Variants in ANKRD30BL observed in about 807,000 individuals in gnomAD.
The protein encoded by ANKRD30BL is putative ankyrin repeat domain-containing protein 30B-like.
In ANKRD30BL, 20 loss-of-function variants were observed where a neutral mutation model predicts 18.4. The observed-to-expected ratio is 1.09, with a 90% CI of 0.77 to 1.58. The LOEUF is 1.58. Ranked by LOEUF, ANKRD30BL falls within the 40% of genes most tolerant of loss-of-function variation. The pLI, the probability that ANKRD30BL is intolerant of heterozygous loss-of-function variation, is 0.00. For synonymous variants in ANKRD30BL, 72 were observed against 100.9 expected, an observed-to-expected ratio of 0.71 and a Z score of 1.72; for missense variants, 224 against 268.6, an observed-to-expected ratio of 0.83 and a Z score of 1.16.
At chr2:132,232,879 A>G (rs1430223257) in intron 1 of ANKRD30BL, among the ~76,000 whole-genome samples, 1 of 152,022 alleles carries the variant, frequency 6.6e-6, no homozygotes, top group Non-Finnish European at 1.5e-5. Flanking sequence ...AAGACACATA[A>G]TTGTCAGATT....
At chr2:132,179,777 A>G in intron 1 of ANKRD30BL, among the ~76,000 whole-genome samples, 1 of 152,132 alleles carries the variant, frequency 6.6e-6, no homozygotes, top group Non-Finnish European at 1.5e-5. Flanking sequence ...GGTGGAAGAC[A>G]ATGATGTTGA....
chr2:132,210,894 C>A (rs888059931), intron 1 of ANKRD30BL, among the ~76,000 whole-genome samples: 1 of 142,728 alleles, frequency 7.0e-6, no homozygotes, highest in African/African-American at 2.6e-5. Context: ...CACCTAAAAA[C>A]TACACAGAAG....
chr2:132,239,251 G>A (rs1431323627), intron 1 of ANKRD30BL, among the ~76,000 whole-genome samples: 2 of 152,024 alleles, frequency 1.3e-5, no homozygotes, highest in Non-Finnish European at 2.9e-5. Flanking sequence ...GAATTTGCAA[G>A]TGGATATTTG....
chr2:132,220,094 G>T (rs1207534872), intron 1 of ANKRD30BL, among the ~76,000 whole-genome samples: 1 of 152,200 alleles, frequency 6.6e-6, no homozygotes, highest in African/African-American at 2.4e-5. Flanking sequence ...GAGCAGTTTT[G>T]ATACACTCTT....
intron 1 of ANKRD30BL, among the ~76,000 whole-genome samples, chr2:132,200,483 A>T (rs1679074572): frequency 1.3e-5 from 2 of 152,302 alleles, no homozygotes; most frequent in South Asian, 4.1e-4. Flanking sequence ...AATCACAAGC[A>T]TTCTTATACA....
intron 1 of ANKRD30BL, among the ~76,000 whole-genome samples, chr2:132,229,903 G>T (rs996054380): frequency 3.9e-5 from 6 of 151,954 alleles, no homozygotes; most frequent in African/African-American, 1.4e-4. Context: ...CACTCTGTTC[G>T]CAGTATCTGC....
upstream of ANKRD30BL, among the ~76,000 whole-genome samples, chr2:132,164,269 CTTTTTTTTTTTT>C (rs796313755): frequency 1.1e-3 from 120 of 112,212 alleles, 2 homozygotes; most frequent in East Asian, 4.0e-4. Context: ...TTTTCTTTTT[CTTTTTTTTTTTT>C]TTTTTTTTTT....
intron 1 of ANKRD30BL, among the ~76,000 whole-genome samples, chr2:132,187,287 G>A (rs1431576390): frequency 7.0e-6 from 1 of 142,890 alleles, no homozygotes; most frequent in Admixed American, 7.4e-5. Context: ...TCTGCCTCCC[G>A]GGATGAAGCG....
upstream of ANKRD30BL, among the ~76,000 whole-genome samples, chr2:132,163,287 T>A (rs567679916): frequency 6.6e-6 from 1 of 151,988 alleles, no homozygotes; most frequent in African/African-American, 2.4e-5. Context: ...TTTATCTCTA[T>A]AAAAATAAAA....
chr2:132,214,240 T>C (rs1286125647), intron 1 of ANKRD30BL, among the ~76,000 whole-genome samples: 2 of 152,042 alleles, frequency 1.3e-5, no homozygotes, highest in Non-Finnish European at 2.9e-5. Flanking sequence ...ACCTTCCTTT[T>C]AATTGAGCAG....
rs546044209 is a variant in ANKRD30BL at position 132,228,677 on chromosome 2, T to C, written n.441+28852A>G. 1.1e-4 allele frequency among the ~76,000 whole-genome samples: 17 copies of C among 149,610 alleles called. 1 individual carries two copies. The South Asian group carries it at 3.4e-3, about 30-fold the overall frequency. ...CTTACATCTCACAGAGCTGAACCTT[T>C]CTTTTGATTGAGAGTTTGGAAGCAC... On this transcript the variant is annotated intron_variant and non_coding_transcript_variant, in intron 1 of 4. Transcript: ENST00000470729.
chr2:132,203,134 G>A (rs200813165), intron 1 of ANKRD30BL, among the ~76,000 whole-genome samples: 347 of 145,824 alleles, frequency 2.4e-3, no homozygotes, highest in East Asian at 0.017. Context: ...AACTTAAAAG[G>A]CAGGTGGAGG....
At chr2:132,257,320 G>C (rs538854235) in intron 1 of ANKRD30BL, among the ~76,000 whole-genome samples, 1 of 152,240 alleles carries the variant, frequency 6.6e-6, no homozygotes, top group Non-Finnish European at 1.5e-5. Flanking sequence ...CGGGCAGAGA[G>C]CCGGCTCACA....
intron 1 of ANKRD30BL, among the ~76,000 whole-genome samples, chr2:132,234,749 C>T (rs1334247927): frequency 1.3e-5 from 2 of 152,050 alleles, no homozygotes; most frequent in African/African-American, 4.8e-5. Flanking sequence ...CCGAATTCTA[C>T]CAGAGGTACA....
At chr2:132,217,145 A>G (rs1197131668) in intron 1 of ANKRD30BL, among the ~76,000 whole-genome samples, 4 of 152,070 alleles carry the variant, frequency 2.6e-5, no homozygotes, top group Non-Finnish European at 5.9e-5. Flanking sequence ...TGATGTCAGC[A>G]TTCCACTCAC....
intron 1 of ANKRD30BL, among the ~76,000 whole-genome samples, chr2:132,256,556 G>A (rs80005192): frequency 6.6e-6 from 1 of 152,326 alleles, no homozygotes; most frequent in Non-Finnish European, 1.5e-5. Flanking sequence ...CAGTGGCCTC[G>A]GGGCATGAAG....
chr2:132,172,329 T>C (rs6738984), intron 1 of ANKRD30BL, among the ~76,000 whole-genome samples: 29,665 of 152,114 alleles, frequency 0.2, 3,445 homozygotes, highest in African/African-American at 0.32. Flanking sequence ...CCATTTTACA[T>C]TCCCACCAGC....
intron 1 of ANKRD30BL, among the ~76,000 whole-genome samples, chr2:132,248,202 A>G (rs373953211): frequency 6.6e-6 from 1 of 151,562 alleles, no homozygotes; most frequent in Admixed American, 6.6e-5. Context: ...AAGGTTCGAC[A>G]CTGTGAGATG....
intron 1 of ANKRD30BL, among the ~76,000 whole-genome samples, chr2:132,255,424 G>T (rs1680803101): frequency 6.6e-6 from 1 of 152,082 alleles, no homozygotes; most frequent in East Asian, 1.9e-4. Context: ...TCGGGCCACA[G>T]GACACTCAGC....
Sources: gnomAD v4.1 joint callset for allele counts (sites outside exome capture counted in the v4.1 genomes callset) on GRCh38, gnomAD v4.1.1 for gene constraint, MANE v1.5 for transcripts, NCBI Gene and HGNC (gene_info 2026-07-23, HGNC 2026-07-21) for gene names.